Variants in LRMDA observed in about 807,000 individuals in gnomAD.
LRMDA encodes leucine rich melanocyte differentiation associated, also known as leucine-rich melanocyte differentiation-associated protein.
In LRMDA, 18 loss-of-function variants were observed where a neutral mutation model predicts 29.8. The observed-to-expected ratio is 0.60, with a 90% CI of 0.42 to 0.90. LRMDA has a LOEUF of 0.90. LRMDA is among the 40% of genes least tolerant of loss of function. LRMDA has a pLI of 0.00. For synonymous variants in LRMDA, 125 were observed against 109.4 expected (o/e 1.14, Z -0.89); for missense variants, 273 against 273.9 (o/e 1.00, Z 0.02).
chr10:76,035,987 C>T (rs755920034), intron 2 of LRMDA, 21 bp from the exon 3 acceptor site: 32 of 1,610,792 alleles, frequency 2.0e-5, no homozygotes, highest in South Asian at 4.4e-5. Flanking sequence ...ATCATTTTTC[C>T]TGTTGCCTTT....
intron 2 of LRMDA, among the ~76,000 whole-genome samples, chr10:75,716,211 G>A (rs1457954889): frequency 6.6e-6 from 1 of 152,114 alleles, no homozygotes; most frequent in Admixed American, 6.5e-5. Context: ...CCATAGATGA[G>A]GATACTAAAG....
At chr10:75,802,345 A>G (rs913712840) in intron 2 of LRMDA, among the ~76,000 whole-genome samples, 2 of 139,456 alleles carry the variant, frequency 1.4e-5, no homozygotes, top group South Asian at 2.3e-4. Flanking sequence ...GCACACACAC[A>G]CACACACACA....
chr10:75,786,115 G>A (rs1452268677), intron 2 of LRMDA, among the ~76,000 whole-genome samples: 2 of 152,224 alleles, frequency 1.3e-5, no homozygotes, highest in African/African-American at 2.4e-5. Context: ...AGCCCAAGGG[G>A]CAGGCTCATT....
intron 3 of LRMDA, among the ~76,000 whole-genome samples, chr10:76,041,634 G>C (rs1018147580): frequency 1.3e-5 from 2 of 152,110 alleles, no homozygotes; most frequent in African/African-American, 2.4e-5. Context: ...GACAGCTTTG[G>C]ACCCGCACAA....
chr10:76,551,401 A>G (rs1843492776), intron 6 of LRMDA, among the ~76,000 whole-genome samples: 3 of 152,188 alleles, frequency 2.0e-5, no homozygotes, highest in Admixed American at 2.0e-4. Context: ...TGTAAATTTT[A>G]TGTACATGAT....
intron 2 of LRMDA, among the ~76,000 whole-genome samples, chr10:75,708,553 G>A (rs895992187): frequency 7.9e-5 from 12 of 152,100 alleles, no homozygotes; most frequent in African/African-American, 2.2e-4. Flanking sequence ...GTGCATGGGA[G>A]GTGTGGGATT....
intron 5 of LRMDA, among the ~76,000 whole-genome samples, chr10:76,141,834 A>G (rs891099826): frequency 1.3e-5 from 2 of 152,014 alleles, no homozygotes; most frequent in Non-Finnish European, 2.9e-5. Context: ...TTTATCATCA[A>G]CTTGACTTCA....
intron 5 of LRMDA, among the ~76,000 whole-genome samples, chr10:76,124,837 C>T (rs1849851879): frequency 6.6e-6 from 1 of 152,216 alleles, no homozygotes; most frequent in Non-Finnish European, 1.5e-5. Flanking sequence ...CTTAAATAAT[C>T]TCACCAACCA....
At chr10:75,869,009 C>T (rs777921603) in intron 2 of LRMDA, among the ~76,000 whole-genome samples, 2 of 152,190 alleles carry the variant, frequency 1.3e-5, no homozygotes, top group Non-Finnish European at 2.9e-5. Flanking sequence ...AGCAGGATGT[C>T]TTCTGGCCAA....
chr10:76,211,175 T>C (rs1851627424), intron 5 of LRMDA, among the ~76,000 whole-genome samples: 1 of 152,186 alleles, frequency 6.6e-6, no homozygotes, highest in Admixed American at 6.5e-5. Context: ...GTCCTTCCTC[T>C]CTGTCTGCAC....
intron 2 of LRMDA, among the ~76,000 whole-genome samples, chr10:75,915,163 G>T (rs1025737648): frequency 3.0e-4 from 29 of 95,738 alleles, no homozygotes; most frequent in African/African-American, 1.1e-3. Flanking sequence ...ACAGAGTATT[G>T]CCCTGTCACC....
intron 5 of LRMDA, among the ~76,000 whole-genome samples, chr10:76,105,423 G>C (rs954742103): frequency 6.6e-6 from 1 of 151,892 alleles, no homozygotes; most frequent in African/African-American, 2.4e-5. Flanking sequence ...TTTGGGGGGT[G>C]GGGGGGAAGA....
At chr10:76,336,628 C>T (rs1364616081) in intron 6 of LRMDA, among the ~76,000 whole-genome samples, 1 of 151,998 alleles carries the variant, frequency 6.6e-6, no homozygotes, top group Non-Finnish European at 1.5e-5. Flanking sequence ...CACAGACTGC[C>T]CAGAGGTCCC....
intron 5 of LRMDA, among the ~76,000 whole-genome samples, chr10:76,104,420 C>T (rs998824201): frequency 1.3e-5 from 2 of 152,106 alleles, no homozygotes; most frequent in African/African-American, 4.8e-5. Context: ...GGCTACTTCC[C>T]CTCCCATTGC....
chr10:76,406,524 C>T (rs535389471), intron 6 of LRMDA, among the ~76,000 whole-genome samples: 107 of 152,318 alleles, frequency 7.0e-4, no homozygotes, highest in African/African-American at 2.4e-3. Flanking sequence ...GTTCCAGCCT[C>T]TCATGGTCTT....
chr10:75,585,206 G>C (rs549055842), intron 2 of LRMDA, among the ~76,000 whole-genome samples: 19 of 152,314 alleles, frequency 1.2e-4, no homozygotes, highest in African/African-American at 4.6e-4. Flanking sequence ...AGCAGCAGAA[G>C]TTAGTTTTGC....
At chr10:76,252,111 G>A (rs528866279) in intron 5 of LRMDA, among the ~76,000 whole-genome samples, 3 of 152,228 alleles carry the variant, frequency 2.0e-5, no homozygotes, top group South Asian at 4.1e-4. Flanking sequence ...TACCCCCAAC[G>A]CTTCCTGCTC....
intron 6 of LRMDA, among the ~76,000 whole-genome samples, chr10:76,387,001 G>T (rs1388675637): frequency 6.6e-6 from 1 of 152,002 alleles, no homozygotes; most frequent in East Asian, 1.9e-4. Context: ...ATTACTGAGG[G>T]CCTATAAAAT....
At chr10:76,017,366 G>C (rs759861958) in intron 2 of LRMDA, among the ~76,000 whole-genome samples, 9 of 152,222 alleles carry the variant, frequency 5.9e-5, no homozygotes, top group Non-Finnish European at 1.3e-4. Context: ...CCTTCAGAGG[G>C]AGCGTGGCCC....
Sources: gnomAD v4.1 joint callset for allele counts (sites outside exome capture counted in the v4.1 genomes callset) on GRCh38, gnomAD v4.1.1 for gene constraint, MANE v1.5 for transcripts, NCBI Gene and HGNC (gene_info 2026-07-23, HGNC 2026-07-21) for gene names.